NPSR1: variants seen among roughly 807,000 people sequenced by gnomAD.
NPSR1 encodes the protein neuropeptide S receptor 1, also known as neuropeptide S receptor.
NPSR1 carries 48 observed loss-of-function variants against 46.9 expected under a neutral mutation model. That is an observed-to-expected ratio of 1.02 (90% CI 0.81 to 1.30). The LOEUF (loss-of-function observed/expected upper bound fraction) is 1.30, where lower values mean the gene tolerates loss of function less well. Among genes scored for constraint, NPSR1 ranks in the 50% most tolerant of loss-of-function variants. NPSR1 has a pLI of 0.00. For synonymous variants in NPSR1, 176 were observed against 168.1 expected (o/e 1.05, Z -0.36); for missense variants, 450 against 449.5 (o/e 1.00, Z -0.01).
chr7:34,684,880 A>G (rs979589931), intron 2 of NPSR1, among the ~76,000 whole-genome samples, 196 bp downstream of exon 2: 4 of 152,228 alleles, frequency 2.6e-5, no homozygotes, highest in Non-Finnish European at 5.9e-5. Context: ...CTAAGATTTC[A>G]TTATAAAAGT....
intron 1 of NPSR1, among the ~76,000 whole-genome samples, chr7:34,668,541 A>G (rs941118547): frequency 1.3e-5 from 2 of 152,214 alleles, no homozygotes; most frequent in African/African-American, 2.4e-5. Context: ...TTCATTCATC[A>G]ATCAGGTTAA....
intron 3 of NPSR1, among the ~76,000 whole-genome samples, chr7:34,809,926 C>CTCCATCCATG (rs1170477045): frequency 1.3e-5 from 2 of 152,088 alleles, no homozygotes; most frequent in African/African-American, 4.8e-5. Flanking sequence ...AGATAATGCC[C>CTCCATCCATG]TCCATCCATG....
chr7:34,783,730 A>T (rs1787336011), intron 3 of NPSR1, among the ~76,000 whole-genome samples: 1 of 152,108 alleles, frequency 6.6e-6, no homozygotes, highest in African/African-American at 2.4e-5. Context: ...AACTGTCAAA[A>T]ATCAAAAACA....
chr7:34,827,643 C>CGGGGGGGGGGGGCCG, intron 5 of NPSR1, 41 bp downstream of exon 5: 1 of 405,054 alleles, frequency 2.5e-6, no homozygotes. Flanking sequence ...GGGGGTGGGG[C>CGGGGGGGGGGGGCCG]GGGGGGGGCT....
At chr7:34,729,151 G>A (rs36012487) in intron 2 of NPSR1, among the ~76,000 whole-genome samples, 1,746 of 152,132 alleles carry the variant, frequency 0.011, 28 homozygotes, top group African/African-American at 0.036. Context: ...CACCTTCACC[G>A]TTTGAGAACC....
At chr7:34,678,872 T>C (rs1408687349) in intron 1 of NPSR1, among the ~76,000 whole-genome samples, 4 of 151,814 alleles carry the variant, frequency 2.6e-5, no homozygotes, top group Non-Finnish European at 5.9e-5. Context: ...TAAACTTCAC[T>C]GTAAACAATG....
intron 3 of NPSR1, among the ~76,000 whole-genome samples, chr7:34,802,849 T>A (rs1194247682): frequency 2.0e-5 from 3 of 150,098 alleles, no homozygotes; most frequent in Non-Finnish European, 4.4e-5. Flanking sequence ...GAATCTACAA[T>A]GAACTCAAAC....
intron 1 of NPSR1, among the ~76,000 whole-genome samples, chr7:34,666,979 T>C (rs983401848): frequency 6.6e-6 from 1 of 152,232 alleles, no homozygotes; most frequent in African/African-American, 2.4e-5. Context: ...ATAATAACAA[T>C]GCCATTCACT....
intron 2 of NPSR1, among the ~76,000 whole-genome samples, chr7:34,739,516 G>A (rs1231048452): frequency 6.6e-6 from 1 of 152,106 alleles, no homozygotes; most frequent in Non-Finnish European, 1.5e-5. Flanking sequence ...TCATGTGCTT[G>A]TTAACCATTT....
chr7:34,774,537 C>T lies in NPSR1; in HGVS notation c.281-3925C>T, dbSNP rs536718103. ...ATTTGGTGCCCCATTATCAGCTGTT[C>T]CATCTTGACCAAGGCTCAGCAACAT... On this transcript the variant is annotated intron_variant, in intron 2 of 8. Coordinates refer to ENST00000360581, the MANE Select transcript of NPSR1 (RefSeq NM_207172.2). Among the ~76,000 whole-genome samples, 71 of 152,310 alleles carry T rather than the reference C, an allele frequency of 4.7e-4. No individual in the cohort carries two copies. The Middle Eastern group carries it at 0.01, about 22-fold the overall frequency.
At chr7:34,854,908 A>G (rs1370165031), downstream of NPSR1, among the ~76,000 whole-genome samples, 1 of 152,184 alleles carries the variant, frequency 6.6e-6, no homozygotes, top group Non-Finnish European at 1.5e-5. Context: ...AAGCTTCAAC[A>G]CTTCCACGAG....
At chr7:34,777,823 T>G (rs1183915510) in intron 2 of NPSR1, among the ~76,000 whole-genome samples, 1 of 152,146 alleles carries the variant, frequency 6.6e-6, no homozygotes, top group East Asian at 1.9e-4. Flanking sequence ...TCTGTAACTA[T>G]AGAATTGAGT....
chr7:34,710,208 C>T (rs929580535), intron 2 of NPSR1, among the ~76,000 whole-genome samples: 8 of 152,144 alleles, frequency 5.3e-5, no homozygotes, highest in Admixed American at 4.6e-4. Flanking sequence ...GAAAGGCCAC[C>T]TTCTGACCAA....
chr7:34,873,048 T>G (rs1480976250), intron 8 of NPSR1, among the ~76,000 whole-genome samples: 1 of 151,870 alleles, frequency 6.6e-6, no homozygotes, highest in Non-Finnish European at 1.5e-5. Flanking sequence ...GCCATCACTC[T>G]TAAGTTCAAA....
chr7:34,788,933 A>T (rs1157065885), intron 3 of NPSR1, among the ~76,000 whole-genome samples: 1 of 152,104 alleles, frequency 6.6e-6, no homozygotes, highest in Non-Finnish European at 1.5e-5. Flanking sequence ...CAAAATTAAG[A>T]TTGAAATATA....
chr7:34,747,129 C>CAAA (rs5883471), intron 2 of NPSR1, among the ~76,000 whole-genome samples: 10 of 106,958 alleles, frequency 9.3e-5, no homozygotes, highest in East Asian at 2.7e-4. Flanking sequence ...ACCAAAAAAA[C>CAAA]AAAAAAAAAA....
intron 2 of NPSR1, among the ~76,000 whole-genome samples, chr7:34,693,680 C>A (rs185086434): frequency 1.3e-5 from 2 of 152,146 alleles, no homozygotes; most frequent in Admixed American, 1.3e-4. Context: ...TACAAGGACA[C>A]AACAACAACA....
intron 1 of NPSR1, among the ~76,000 whole-genome samples, chr7:34,660,492 G>T (rs533738808): frequency 1.3e-5 from 2 of 152,210 alleles, no homozygotes; most frequent in South Asian, 4.1e-4. Context: ...TACTTCTAGA[G>T]AAGAAATTCG....
intron 2 of NPSR1, among the ~76,000 whole-genome samples, chr7:34,777,307 A>C (rs1787008177): frequency 6.6e-6 from 1 of 152,058 alleles, no homozygotes; most frequent in Non-Finnish European, 1.5e-5. Flanking sequence ...TGCTGTCTCC[A>C]TGGGGTGGGG....
Sources: allele counts gnomAD v4.1 joint callset (sites outside exome capture counted in the v4.1 genomes callset), GRCh38; gene constraint gnomAD v4.1.1; transcripts MANE v1.5; gene names NCBI Gene and HGNC (gene_info 2026-07-23, HGNC 2026-07-21).